Variants in KDM5A observed in about 807,000 individuals in gnomAD.
The protein encoded by KDM5A is lysine-specific demethylase 5A.
A neutral mutation model predicts 193.5 loss-of-function variants in KDM5A; 42 were observed. The ratio of observed to expected loss-of-function variants is 0.22; its 90% CI spans 0.17 to 0.28. KDM5A has a LOEUF of 0.28. Ranked by LOEUF, KDM5A falls within the 10% of genes least tolerant of loss-of-function variation. The pLI, the probability that KDM5A is intolerant of heterozygous loss-of-function variation, is 1.00. For synonymous variants in KDM5A, 796 were observed against 718.1 expected (o/e 1.11, Z -1.73); for missense variants, 1,692 against 2,055.1 (o/e 0.82, Z 3.42).
chr12:337,745 C>T (rs963504574), intron 10 of KDM5A, among the ~76,000 whole-genome samples: 2 of 151,152 alleles, frequency 1.3e-5, no homozygotes, highest in South Asian at 2.1e-4. Flanking sequence ...TGGGTTCAAG[C>T]GATTCTCCTG....
chr12:290,676 A>C (rs1943281164), intron 27 of KDM5A, among the ~76,000 whole-genome samples: 1 of 152,064 alleles, frequency 6.6e-6, no homozygotes, highest in South Asian at 2.1e-4. Context: ...AACCCTTTGA[A>C]TAGGCAGGGC....
In KDM5A at chr12:293,181, T is replaced by C. The variant is rs780206862; in HGVS notation, c.4456-12A>G. On this transcript the variant is annotated splice_polypyrimidine_tract_variant and intron_variant, in intron 26 of 27. Coordinates refer to ENST00000399788, the MANE Select transcript of KDM5A (RefSeq NM_001042603.3). The stretch of plus-strand genomic sequence containing the variant: ...TCCATGCTGTCATCCTTCAAAAATA[T>C]AAATTTAGGAACAATTTTAAAGCAA... 13 of 1,606,068 alleles carry C rather than the reference T, an allele frequency of 8.1e-6. No individual in the cohort carries two copies. The highest frequency in any genetic ancestry group is 3.3e-5 in the Admixed American group (2 of 59,864).
intron 26 of KDM5A, among the ~76,000 whole-genome samples, chr12:294,994 C>G (rs748983704): frequency 3.9e-5 from 6 of 152,156 alleles, no homozygotes; most frequent in Non-Finnish European, 5.9e-5. Context: ...TCTCTCCCCC[C>G]CAGGCTTCTA....
intron 15 of KDM5A, 114 bp downstream of exon 15, chr12:323,486 A>G: frequency 9.0e-7 from 1 of 1,113,890 alleles, no homozygotes; most frequent in Non-Finnish European, 1.3e-6. Context: ...AGAAGTAGAC[A>G]GTGAAGTTTA....
intron 19 of KDM5A, among the ~76,000 whole-genome samples, chr12:315,585 G>C (rs966702304): frequency 6.6e-6 from 1 of 151,942 alleles, no homozygotes. Context: ...TCAAAAAAAG[G>C]CAGGGTGGGG....
At chr12:317,999 C>CA (rs398055245) in intron 19 of KDM5A, 107 bp downstream of exon 19, 29,256 of 728,200 alleles carry the variant, frequency 0.04, 5 homozygotes, top group Middle Eastern at 0.047. Context: ...ATCCTAAACG[C>CA]AAAAAAAAAA....
At chr12:345,716 A>G (rs185626605) in intron 10 of KDM5A, among the ~76,000 whole-genome samples, 52 of 152,360 alleles carry the variant, frequency 3.4e-4, no homozygotes, top group Admixed American at 2.9e-3. Flanking sequence ...CTTTGAAACA[A>G]ATGAGAACAA....
intron 13 of KDM5A, among the ~76,000 whole-genome samples, chr12:331,418 G>A (rs942107696): frequency 3.3e-5 from 5 of 152,096 alleles, no homozygotes; most frequent in African/African-American, 4.8e-5. Flanking sequence ...AGAAAGAATC[G>A]ACTGACCATT....
At position 385,892 on chromosome 12, in the gene KDM5A, CT is replaced by C. The variant is rs578097765; in HGVS notation, c.243+4del. 717 of 1,611,686 alleles carry C rather than the reference CT, an allele frequency of 4.4e-4. 7 individuals carry two copies. In the African/African-American group the frequency reaches 7.1e-3, roughly 16 times the overall value. On this transcript the variant is annotated splice_donor_region_variant and intron_variant, in intron 2 of 27. Transcript: ENST00000399788. Reference sequence around the variant, plus strand: ...AGGAAGCAGAAATAGTGACAAAACACTTACCTCAAGTTCATTCAGGCGCTGG... The same window carrying C: ...AGGAAGCAGAAATAGTGACAAAACACTACCTCAAGTTCATTCAGGCGCTGG...
At chr12:312,337 T>C (rs1365426157) in intron 20 of KDM5A, among the ~76,000 whole-genome samples, 1 of 152,234 alleles carries the variant, frequency 6.6e-6, no homozygotes, top group Non-Finnish European at 1.5e-5. Flanking sequence ...TTCCCTTACA[T>C]GCCTGCTCCC....
intron 27 of KDM5A, 72 bp from the exon 28 acceptor site, chr12:285,734 G>A: frequency 1.5e-6 from 2 of 1,332,596 alleles, no homozygotes; most frequent in South Asian, 2.3e-5. Flanking sequence ...AAACCAAAGA[G>A]CTTTCTTGGC....
intron 8 of KDM5A, among the ~76,000 whole-genome samples, chr12:353,371 T>C (rs563446643): frequency 1.2e-4 from 19 of 152,072 alleles, no homozygotes; most frequent in Non-Finnish European, 2.6e-4. Context: ...AAAGATACCG[T>C]CAGTTTATTT....
intron 18 of KDM5A, among the ~76,000 whole-genome samples, chr12:320,690 T>C (rs534184314): frequency 1.2e-4 from 19 of 152,328 alleles, no homozygotes; most frequent in Admixed American, 6.5e-4. Context: ...CACTGATACA[T>C]GCAGATTATT....
intron 13 of KDM5A, chr12:329,293 A>G: frequency 2.1e-6 from 1 of 475,834 alleles, no homozygotes; most frequent in South Asian, 2.2e-5. Context: ...TTTATTGTAT[A>G]TCAAGAAGGA....
chr12:365,844 G>T, intron 4 of KDM5A, 90 bp downstream of exon 4: 1 of 1,281,872 alleles, frequency 7.8e-7, no homozygotes, highest in Non-Finnish European at 1.1e-6. Context: ...AAATTTTGGT[G>T]CCTGCTAACT....
chr12:343,090 G>T (rs2137437537), intron 10 of KDM5A, among the ~76,000 whole-genome samples: 1 of 152,328 alleles, frequency 6.6e-6, no homozygotes, highest in African/African-American at 2.4e-5. Context: ...ATTTTCCCAA[G>T]GTCTTAGCAA....
At chr12:380,794 GAAA>G (rs982427338) in intron 3 of KDM5A, among the ~76,000 whole-genome samples, 2 of 150,648 alleles carry the variant, frequency 1.3e-5, no homozygotes, top group Admixed American at 6.6e-5. Context: ...AATAATTTTT[GAAA>G]AAAAAATTTT....
At chr12:313,513 G>A (rs906188717) in intron 19 of KDM5A, among the ~76,000 whole-genome samples, 7 of 152,214 alleles carry the variant, frequency 4.6e-5, no homozygotes, top group African/African-American at 1.4e-4. Context: ...GATTCAGAAT[G>A]AGGGTCAGAT....
rs1258793859 is a variant in KDM5A at position 323,191 on chromosome 12, T to C, written c.2166A>G (p.Leu722=). The C allele has an allele frequency of 8.2e-7, 1 of 1,224,482 alleles. No individual in the cohort carries two copies. The allele number at this position is 1,224,482 out of a possible 1,614,324, so 75.9% of individuals were successfully genotyped here. ...QKKCLRYRYP[L]EDLPSLLYGV... is the part of the protein sequence containing the mutation. ...CATATAGCAGAGAAGGGAGGTCTTC[T>C]AATGGGTAGCGATATCTACAAAAAA... The change falls in exon 16 of 28, where the codon TTA becomes TTG. Residue 722 remains leucine (L), a synonymous_variant. Coordinates refer to ENST00000399788, the MANE Select transcript of KDM5A (RefSeq NM_001042603.3).
Sources: allele counts gnomAD v4.1 joint callset (sites outside exome capture counted in the v4.1 genomes callset), GRCh38; gene constraint gnomAD v4.1.1; transcripts MANE v1.5; gene names NCBI Gene and HGNC (gene_info 2026-07-23, HGNC 2026-07-21).